The following CDH20 variants were observed in gnomAD, a reference collection of about 807,000 sequenced individuals.
CDH20 encodes the protein cadherin-20.
CDH20 carries 29 observed loss-of-function variants against 74.2 expected under a neutral mutation model. That is an observed-to-expected ratio of 0.39 (90% CI 0.29 to 0.53). The LOEUF is 0.53. Ranked by LOEUF, CDH20 falls within the 20% of genes least tolerant of loss-of-function variation. The pLI is 0.69. For missense variants in CDH20, 988 were observed against 1,048.3 expected (o/e 0.94, Z 0.79); for synonymous variants, 469 against 405.4 (o/e 1.16, Z -1.88).
chr18:61,495,522 G>T (rs2144306891), intron 2 of CDH20, among the ~76,000 whole-genome samples: 1 of 152,326 alleles, frequency 6.6e-6, no homozygotes, highest in East Asian at 1.9e-4. Flanking sequence ...CCAGGAGGCA[G>T]GAGGAGGGAG....
intron 9 of CDH20, among the ~76,000 whole-genome samples, chr18:61,540,392 T>A (rs1386317826): frequency 6.6e-6 from 1 of 152,096 alleles, no homozygotes. Context: ...TACCCAAGAC[T>A]GAGTAATTTA....
chr18:61,347,301 TATATATATATATATATATAC>T (rs1456352108), intron 1 of CDH20, among the ~76,000 whole-genome samples: 1 of 79,678 alleles, frequency 1.3e-5, no homozygotes, highest in African/African-American at 5.7e-5. Flanking sequence ...TATATATATA[TATATATATATATATATATAC>T]ACACACACAC....
At chr18:61,376,024 G>T (rs551551722) in intron 1 of CDH20, among the ~76,000 whole-genome samples, 1 of 152,054 alleles carries the variant, frequency 6.6e-6, no homozygotes, top group Non-Finnish European at 1.5e-5. Flanking sequence ...ATAGTACATT[G>T]ACTGCTTAAA....
intron 1 of CDH20, among the ~76,000 whole-genome samples, chr18:61,451,837 T>C (rs559623865): frequency 1.3e-5 from 2 of 152,242 alleles, no homozygotes; most frequent in African/African-American, 4.8e-5. Context: ...AAATGTCTAA[T>C]AGCACACTAC....
At chr18:61,545,182 C>G in intron 10 of CDH20, 38 bp downstream of exon 10, 1 of 1,257,014 alleles carries the variant, frequency 8.0e-7, no homozygotes, top group Non-Finnish European at 1.2e-6. Context: ...TGCTTTTCTA[C>G]AGCATAGGCC....
chr18:61,461,178 T>C (rs972282672), intron 1 of CDH20, among the ~76,000 whole-genome samples: 1 of 152,084 alleles, frequency 6.6e-6, no homozygotes, highest in African/African-American at 2.4e-5. Flanking sequence ...GGATTTTTAT[T>C]ACTCACGAGT....
chr18:61,447,322 C>A (rs1224999558), intron 1 of CDH20, among the ~76,000 whole-genome samples: 1 of 152,178 alleles, frequency 6.6e-6, no homozygotes, highest in Admixed American at 6.5e-5. Flanking sequence ...ATTCACAATA[C>A]TGGAGGCATT....
chr18:61,349,968 G>A (rs1910252575), intron 1 of CDH20, among the ~76,000 whole-genome samples: 1 of 152,114 alleles, frequency 6.6e-6, no homozygotes, highest in Admixed American at 6.6e-5. Flanking sequence ...CATTTACATT[G>A]ACTCAAGCAC....
At chr18:61,390,999 A>C (rs1359285184) in intron 1 of CDH20, among the ~76,000 whole-genome samples, 2 of 152,196 alleles carry the variant, frequency 1.3e-5, no homozygotes, top group Non-Finnish European at 2.9e-5. Flanking sequence ...AAAAATATAC[A>C]TATGGTAAAA....
chr18:61,360,729 A>G (rs189265286), intron 1 of CDH20, among the ~76,000 whole-genome samples: 137 of 152,380 alleles, frequency 9.0e-4, no homozygotes, highest in African/African-American at 3.2e-3. Flanking sequence ...AGTGCATGAC[A>G]GGTTAAGTGA....
chr18:61,553,103 A>G (rs1435563120), intron 11 of CDH20, among the ~76,000 whole-genome samples: 3 of 152,184 alleles, frequency 2.0e-5, no homozygotes, highest in Admixed American at 6.5e-5. Context: ...GCACATCTAC[A>G]TTCAAAAAAA....
At chr18:61,527,574 TG>T (rs1912472279) in intron 6 of CDH20, among the ~76,000 whole-genome samples, 1 of 152,170 alleles carries the variant, frequency 6.6e-6, no homozygotes, top group Non-Finnish European at 1.5e-5. Context: ...ATGAAACTTT[TG>T]ATTTTAGAAC....
intron 1 of CDH20, among the ~76,000 whole-genome samples, chr18:61,398,477 G>A (rs1414792380): frequency 2.0e-5 from 3 of 152,234 alleles, no homozygotes; most frequent in Admixed American, 6.5e-5. Context: ...GTATTTAAGG[G>A]ATAATCTATG....
At chr18:61,340,725 A>T (rs1171264994) in intron 1 of CDH20, among the ~76,000 whole-genome samples, 5 of 152,196 alleles carry the variant, frequency 3.3e-5, no homozygotes, top group Non-Finnish European at 5.9e-5. Flanking sequence ...ACCCCTCACC[A>T]ATCCTAATAA....
intron 1 of CDH20, among the ~76,000 whole-genome samples, chr18:61,470,786 G>C (rs556994428): frequency 6.6e-6 from 1 of 152,128 alleles, no homozygotes; most frequent in African/African-American, 2.4e-5. Flanking sequence ...TTTTATTACA[G>C]ATAGAGGTTT....
intron 6 of CDH20, among the ~76,000 whole-genome samples, chr18:61,522,052 T>C: frequency 6.6e-6 from 1 of 152,174 alleles, no homozygotes; most frequent in East Asian, 1.9e-4. Flanking sequence ...CAACACAGTA[T>C]TGGAAGTTTT....
At chr18:61,499,571 TA>T (rs1416229854) in intron 3 of CDH20, 91 bp downstream of exon 3, 2 of 1,037,740 alleles carry the variant, frequency 1.9e-6, no homozygotes, top group African/African-American at 3.2e-5. Context: ...CACATGTAGA[TA>T]CACATATATT....
At chr18:61,338,058 T>C (rs548116019) in intron 1 of CDH20, among the ~76,000 whole-genome samples, 35 of 152,352 alleles carry the variant, frequency 2.3e-4, no homozygotes, top group African/African-American at 8.2e-4. Context: ...GTCTGTTTGC[T>C]TAAGAGGTGC....
chr18:61,468,355 A>T (rs2144373261), intron 1 of CDH20, among the ~76,000 whole-genome samples: 1 of 152,340 alleles, frequency 6.6e-6, no homozygotes, highest in South Asian at 2.1e-4. Context: ...GATTCAAGAC[A>T]TCAAGATACG....
Sources: gnomAD v4.1 joint callset for allele counts (sites outside exome capture counted in the v4.1 genomes callset) on GRCh38, gnomAD v4.1.1 for gene constraint, MANE v1.5 for transcripts, NCBI Gene and HGNC (gene_info 2026-07-23, HGNC 2026-07-21) for gene names.